The following TGFA variants were observed in gnomAD, a reference collection of about 807,000 sequenced individuals.
The protein encoded by TGFA is protransforming growth factor alpha.
Under a neutral mutation model 21.7 loss-of-function variants are expected in TGFA, and 12 were observed. That is an observed-to-expected ratio of 0.55 (90% CI 0.35 to 0.90). TGFA has a LOEUF of 0.90. Among genes scored for constraint, TGFA ranks in the 40% least tolerant of loss-of-function variants. The probability of loss-of-function intolerance (pLI) is 0.01; values close to 1 mark genes in which losing one functional copy is unlikely to be tolerated. For missense variants in TGFA, 178 were observed against 210.8 expected, an observed-to-expected ratio of 0.84 and a Z score of 0.96; for synonymous variants, 79 against 88.1, an observed-to-expected ratio of 0.90 and a Z score of 0.58.
At chr2:70,451,367 C>T (rs1372888830) in intron 5 of TGFA, among the ~76,000 whole-genome samples, 1 of 152,210 alleles carries the variant, frequency 6.6e-6, no homozygotes, top group Admixed American at 6.5e-5. Context: ...TTCAGCTTAG[C>T]CTGGACATGT....
intron 2 of TGFA, among the ~76,000 whole-genome samples, chr2:70,514,337 G>A (rs1672197679): frequency 6.6e-6 from 1 of 151,804 alleles, no homozygotes; most frequent in Non-Finnish European, 1.5e-5. Flanking sequence ...CAGTGCTGTG[G>A]CCACTGATGG....
At position 70,456,490 on chromosome 2, in the gene TGFA, TG is replaced by T. The variant is rs782708917; in HGVS notation, c.216-3del. 5 of 1,604,526 alleles carry T rather than the reference TG, an allele frequency of 3.1e-6. No individual in the cohort carries two copies. Among genetic ancestry groups the T allele is most frequent in the Non-Finnish European group, 4.3e-6 (5 of 1,175,514 alleles). On this transcript the variant is annotated splice_polypyrimidine_tract_variant and splice_region_variant and intron_variant, in intron 3 of 5. Coordinates refer to ENST00000295400, the MANE Select transcript of TGFA (RefSeq NM_003236.4). The stretch of plus-strand genomic sequence containing the variant: ...GCACCAACGTACCCAGAATGGCAGC[TG>T]GGGAAGAAAGGAACGTCAGTGCACT...
chr2:70,480,679 G>A (rs185515694), intron 2 of TGFA, among the ~76,000 whole-genome samples: 1 of 152,226 alleles, frequency 6.6e-6, no homozygotes, highest in East Asian at 1.9e-4. Context: ...TTAAAAATGA[G>A]TGCATTCTCA....
At chr2:70,487,997 C>T (rs1671316908) in intron 2 of TGFA, among the ~76,000 whole-genome samples, 2 of 152,276 alleles carry the variant, frequency 1.3e-5, no homozygotes, top group South Asian at 2.1e-4. Context: ...TTTCCCTTCT[C>T]GTCAATTTCG....
chr2:70,483,055 C>T (rs552135099), intron 2 of TGFA, among the ~76,000 whole-genome samples: 1 of 152,236 alleles, frequency 6.6e-6, no homozygotes, highest in African/African-American at 2.4e-5. Context: ...AACTAGCCAA[C>T]TGTGAACTCT....
At chr2:70,551,665 A>G (rs1266735884) in intron 1 of TGFA, among the ~76,000 whole-genome samples, 2 of 152,128 alleles carry the variant, frequency 1.3e-5, no homozygotes, top group Non-Finnish European at 2.9e-5. Context: ...TTAAAGACAT[A>G]TAAATAAAAA....
At chr2:70,532,325 A>T (rs1323142054) in intron 1 of TGFA, among the ~76,000 whole-genome samples, 1 of 152,176 alleles carries the variant, frequency 6.6e-6, no homozygotes, top group Non-Finnish European at 1.5e-5. Context: ...GAACCTAAAC[A>T]TGAGTTTTCC....
Position 70,489,032 on chromosome 2 carries a change from C to G in TGFA, c.95-23296G>C, listed in dbSNP as rs1165178732. 2.6e-5 allele frequency among the ~76,000 whole-genome samples: 4 copies of G among 152,290 alleles called. No homozygotes were observed. The South Asian group carries it at 8.3e-4, about 32-fold the overall frequency. On this transcript the variant is annotated intron_variant, in intron 2 of 5. Coordinates refer to ENST00000295400, the MANE Select transcript of TGFA (RefSeq NM_003236.4). ...GTGTTCCAGGGCTGGAAAGATGGCA[C>G]AAAAGATTCCGAGTCAGCAGCACGG...
rs146503552 is a variant in TGFA at position 70,551,892 on chromosome 2, C to T, written c.40+1836G>A. On this transcript the variant is annotated intron_variant, in intron 1 of 5. Coordinates refer to ENST00000295400, the MANE Select transcript of TGFA (RefSeq NM_003236.4). ...GATGAATGAATGCAGTCTTTGTGGG[C>T]GAGAATTCTGGGATGGGAGTGTGGG... 5.3e-5 allele frequency among the ~76,000 whole-genome samples: 8 copies of T among 152,192 alleles called. No homozygotes were observed. In the East Asian group the frequency reaches 9.6e-4, roughly 18 times the overall value.
intron 2 of TGFA, among the ~76,000 whole-genome samples, chr2:70,492,078 G>A (rs1671453911): frequency 6.6e-6 from 1 of 152,144 alleles, no homozygotes; most frequent in Non-Finnish European, 1.5e-5. Flanking sequence ...ACCTGCATGA[G>A]GTCTAAGATT....
At chr2:70,463,500 G>GGTGGCT (rs1670463376) in intron 3 of TGFA, among the ~76,000 whole-genome samples, 1 of 152,136 alleles carries the variant, frequency 6.6e-6, no homozygotes, top group Non-Finnish European at 1.5e-5. Context: ...CTGCCACACA[G>GGTGGCT]GTGGCTGTGG....
Position 70,553,382 on chromosome 2 carries a change from G to C in TGFA, c.40+346C>G, listed in dbSNP as rs1434188940. 2.7e-6 allele frequency: 4 copies of C among 1,455,386 alleles called. No individual in the cohort carries two copies. In the Admixed American group the frequency reaches 1.1e-4, roughly 40 times the overall value. 90.2% of individuals were successfully genotyped at this position (1,455,386 alleles called of 1,614,324 possible). A position where few individuals can be genotyped will look rare whatever the true frequency, so the allele number is the denominator to read the frequency against. ...AGCGACGCCGGCTGAGCCGGGCTTG[G>C]AGGCAGCCAGGTAAGCAGGTAGGTG... On this transcript the variant is annotated intron_variant, in intron 1 of 5. Transcript: ENST00000295400.
At chr2:70,511,560 A>G (rs1672100355) in intron 2 of TGFA, among the ~76,000 whole-genome samples, 3 of 152,220 alleles carry the variant, frequency 2.0e-5, no homozygotes. Flanking sequence ...ATACAGCATC[A>G]TCTACCTTCC....
At chr2:70,508,593 T>C (rs1672002784) in intron 2 of TGFA, among the ~76,000 whole-genome samples, 1 of 152,192 alleles carries the variant, frequency 6.6e-6, no homozygotes, top group Non-Finnish European at 1.5e-5. Context: ...ATGGGTGTAA[T>C]TCATGCAAGT....
At chr2:70,469,153 C>T (rs1235493866) in intron 2 of TGFA, among the ~76,000 whole-genome samples, 4 of 152,152 alleles carry the variant, frequency 2.6e-5, no homozygotes, top group Non-Finnish European at 5.9e-5. Flanking sequence ...GACAGCTTCA[C>T]ATTCCCCTGA....
At chr2:70,513,994 A>G (rs1288516944) in intron 2 of TGFA, among the ~76,000 whole-genome samples, 2 of 152,218 alleles carry the variant, frequency 1.3e-5, no homozygotes, top group Non-Finnish European at 2.9e-5. Context: ...CTGTTTCCGG[A>G]GACACATGCT....
intron 3 of TGFA, among the ~76,000 whole-genome samples, chr2:70,463,326 T>G (rs1553491705): frequency 6.6e-6 from 1 of 152,112 alleles, no homozygotes; most frequent in African/African-American, 2.4e-5. Context: ...ATGATGTGAA[T>G]GTGGAGAGAT....
intron 3 of TGFA, among the ~76,000 whole-genome samples, chr2:70,463,288 C>G (rs1670457761): frequency 6.6e-6 from 1 of 152,094 alleles, no homozygotes; most frequent in African/African-American, 2.4e-5. Flanking sequence ...TTATTGAGCA[C>G]TTACTATTAT....
intron 2 of TGFA, among the ~76,000 whole-genome samples, chr2:70,503,568 TATAATA>T (rs1231032630): frequency 1.5e-5 from 2 of 134,688 alleles, no homozygotes; most frequent in Middle Eastern, 3.7e-3. Flanking sequence ...AAACCTAAAG[TATAATA>T]ATAATAATAA....
Sources: allele counts gnomAD v4.1 joint callset (sites outside exome capture counted in the v4.1 genomes callset), GRCh38; gene constraint gnomAD v4.1.1; transcripts MANE v1.5; gene names NCBI Gene and HGNC (gene_info 2026-07-23, HGNC 2026-07-21).